Variants in TOMM70 observed in about 807,000 individuals in gnomAD.
The protein encoded by TOMM70 is translocase of outer mitochondrial membrane 70.
In TOMM70, 13 loss-of-function variants were observed where a neutral mutation model predicts 73.6. That is an observed-to-expected ratio of 0.18 (90% CI 0.11 to 0.28). The LOEUF (loss-of-function observed/expected upper bound fraction) is 0.28, where lower values mean the gene tolerates loss of function less well. Ranked by LOEUF, TOMM70 falls within the 10% of genes least tolerant of loss-of-function variation. The probability of loss-of-function intolerance (pLI) is 1.00; values close to 1 mark genes in which losing one functional copy is unlikely to be tolerated. For missense variants in TOMM70, 609 were observed against 747.5 expected, an observed-to-expected ratio of 0.81 and a Z score of 2.16; for synonymous variants, 257 against 271.2, an observed-to-expected ratio of 0.95 and a Z score of 0.51.
chr3:100,367,945 A>T (rs1042614005), intron 11 of TOMM70, 99 bp downstream of exon 11: 2 of 1,265,754 alleles, frequency 1.6e-6, no homozygotes, highest in Admixed American at 2.7e-5. Context: ...AGGTGAAAAG[A>T]GGAAAGAACA....
intron 1 of TOMM70, among the ~76,000 whole-genome samples, chr3:100,394,224 G>A (rs941875834): frequency 6.6e-6 from 1 of 152,038 alleles, no homozygotes. Context: ...TCTTAAAATG[G>A]TTTTATTGTT....
At chr3:100,385,295 T>C (rs1359148800) in intron 3 of TOMM70, among the ~76,000 whole-genome samples, 1 of 152,230 alleles carries the variant, frequency 6.6e-6, no homozygotes, top group Non-Finnish European at 1.5e-5. Context: ...CTGCCAGTTA[T>C]TGTGTTAGTA....
At chr3:100,387,049 T>C in intron 1 of TOMM70, 71 bp from the exon 2 acceptor site, 2 of 1,485,096 alleles carry the variant, frequency 1.3e-6, no homozygotes, top group South Asian at 1.2e-5. Context: ...AATTAAACAA[T>C]AAATTGATAA....
chr3:100,389,415 T>C (rs1706733820), intron 1 of TOMM70, among the ~76,000 whole-genome samples: 1 of 152,130 alleles, frequency 6.6e-6, no homozygotes, highest in African/African-American at 2.4e-5. Context: ...ATGGCAGTAA[T>C]TGCTAAACAT....
chr3:100,386,892 A>G lies in TOMM70; in HGVS notation c.411T>C (p.Tyr137=), dbSNP rs1706698548. The change falls in exon 2 of 12, where the codon TAT becomes TAC. Residue 137 remains tyrosine (Y), a synonymous_variant. Transcript: ENST00000284320. ...TAGGGCACAAGCTAATAGCCTCAGT[A>G]TAGCACTGAATAGCTTGTTCATATT... ...AGKYEQAIQC[Y]TEAISLCPTE... is the part of the protein sequence containing the mutation. 1 of 1,614,120 alleles carries G rather than the reference A, an allele frequency of 6.2e-7. No individual in the cohort carries two copies. The highest frequency in any genetic ancestry group is 8.5e-7 in the Non-Finnish European group (1 of 1,179,976).
At position 100,365,393 on chromosome 3, in the gene TOMM70, TCAA is replaced by T; in HGVS notation, c.*168_*170del. 1.1e-6 allele frequency: 1 copy of T among 944,280 alleles called. No individual in the cohort carries two copies. The highest frequency in any genetic ancestry group is 1.5e-6 in the Non-Finnish European group (1 of 660,064). The allele number at this position is 944,280 out of a possible 1,614,324, so 58.5% of individuals were successfully genotyped here. On this transcript the variant is annotated 3_prime_UTR_variant, in exon 12 of 12. Coordinates refer to ENST00000284320, the MANE Select transcript of TOMM70 (RefSeq NM_014820.5). ...AAAGCTGCAAGACTGCAAACTTCCTTCAACAGCCACACCCACAACACCTAGACA... is the reference window on the plus strand; with the variant it reads ...AAAGCTGCAAGACTGCAAACTTCCTTCAGCCACACCCACAACACCTAGACA...
chr3:100,390,320 A>G (rs1379561364), intron 1 of TOMM70, among the ~76,000 whole-genome samples: 2 of 152,222 alleles, frequency 1.3e-5, no homozygotes, highest in Non-Finnish European at 2.9e-5. Flanking sequence ...TAGAAACACT[A>G]AAATCCCATT....
At chr3:100,384,427 C>A in intron 4 of TOMM70, 52 bp downstream of exon 4, 1 of 1,272,698 alleles carries the variant, frequency 7.9e-7, no homozygotes, top group Non-Finnish European at 1.1e-6. Flanking sequence ...TTAGAAAATA[C>A]CCTTCACAAT....
chr3:100,389,446 T>G (rs1706734114), intron 1 of TOMM70, among the ~76,000 whole-genome samples: 1 of 152,222 alleles, frequency 6.6e-6, no homozygotes, highest in Non-Finnish European at 1.5e-5. Flanking sequence ...AAAATAAATG[T>G]GAGTAGTTTA....
intron 7 of TOMM70, among the ~76,000 whole-genome samples, 188 bp downstream of exon 7, chr3:100,374,829 CA>C (rs1464188487): frequency 6.6e-6 from 1 of 151,968 alleles, no homozygotes; most frequent in African/African-American, 2.4e-5. Context: ...AAGTAAATAC[CA>C]AAATTAAAGA....
In TOMM70 at chr3:100,365,077, C is replaced by A; in HGVS notation, c.*487G>T. The A allele has an allele frequency of 6.5e-6, 1 of 153,600 alleles. No homozygotes were observed. The highest frequency in any genetic ancestry group is 1.9e-4 in the East Asian group (1 of 5,244). 9.5% of individuals were successfully genotyped at this position (153,600 alleles called of 1,614,324 possible). On this transcript the variant is annotated 3_prime_UTR_variant, in exon 12 of 12. Transcript: ENST00000284320. The stretch of plus-strand genomic sequence containing the variant: ...GGGTCTCTCAATTTTACTTTAATCC[C>A]CCATTTAACCTTTGTTTCTTTCAAA...
chr3:100,393,592 T>C (rs1377306644), intron 1 of TOMM70, among the ~76,000 whole-genome samples: 1 of 152,218 alleles, frequency 6.6e-6, no homozygotes, highest in African/African-American at 2.4e-5. Flanking sequence ...CCACAAAAGA[T>C]ATTGAAATAA....
At chr3:100,365,865 C>T in intron 11 of TOMM70, 148 bp from the exon 12 acceptor site, 1 of 881,014 alleles carries the variant, frequency 1.1e-6, no homozygotes, top group South Asian at 1.8e-5. Flanking sequence ...TGAAGTCTGA[C>T]CACTAAGTTT....
chr3:100,376,837 A>G (rs1383715364), intron 6 of TOMM70, among the ~76,000 whole-genome samples: 3 of 152,212 alleles, frequency 2.0e-5, no homozygotes, highest in Admixed American at 6.5e-5. Flanking sequence ...TCAAAGCAAT[A>G]CTACATACAT....
chr3:100,365,458 A>G lies in TOMM70; in HGVS notation c.*106T>C, dbSNP rs997680500. The G allele has an allele frequency of 8.2e-6, 12 of 1,470,314 alleles. No homozygotes were observed. Among genetic ancestry groups the G allele is most frequent in the Non-Finnish European group, 1.8e-6 (2 of 1,085,206 alleles). 91.1% of individuals were successfully genotyped at this position (1,470,314 alleles called of 1,614,324 possible). ...TAACAAATAACAACACCACAAACAG[A>G]AATACTGATTTCCACCATTCAACAC... On this transcript the variant is annotated 3_prime_UTR_variant, in exon 12 of 12. Transcript: ENST00000284320.
intron 8 of TOMM70, 64 bp downstream of exon 8, chr3:100,373,474 A>AT: frequency 1.5e-6 from 2 of 1,348,074 alleles, no homozygotes; most frequent in South Asian, 2.7e-5. Flanking sequence ...TGAGATACTC[A>AT]TTTTTGTTGA....
chr3:100,390,657 T>C (rs1172233958), intron 1 of TOMM70, among the ~76,000 whole-genome samples: 4 of 152,130 alleles, frequency 2.6e-5, no homozygotes, highest in Non-Finnish European at 4.4e-5. Context: ...TGAAACCCCA[T>C]GTCCACTAAA....
Position 100,401,068 on chromosome 3 carries a change from G to A in TOMM70, c.-119C>T, listed in dbSNP as rs894827930. 82 of 1,131,804 alleles carry A rather than the reference G, an allele frequency of 7.2e-5. No homozygotes were observed. In the South Asian group the frequency reaches 8.9e-4, roughly 12 times the overall value. The allele number at this position is 1,131,804 out of a possible 1,614,324, so 70.1% of individuals were successfully genotyped here. ...AATGAGCGAGCGAGCACGCTAGGCA[G>A]AGAGAGCGGACGACAGAAAAGGGCC... On this transcript the variant is annotated 5_prime_UTR_variant, in exon 1 of 12. Transcript: ENST00000284320.
chr3:100,373,702 G>T, intron 7 of TOMM70, 57 bp from the exon 8 acceptor site: 2 of 1,177,008 alleles, frequency 1.7e-6, no homozygotes, highest in Non-Finnish European at 2.5e-6. Flanking sequence ...AGTATGTTCA[G>T]TGTCTCATCT....
Sources: allele counts gnomAD v4.1 joint callset (sites outside exome capture counted in the v4.1 genomes callset), GRCh38; gene constraint gnomAD v4.1.1; transcripts MANE v1.5; gene names NCBI Gene and HGNC (gene_info 2026-07-23, HGNC 2026-07-21).